NPAS3: variants seen among roughly 807,000 people sequenced by gnomAD.
NPAS3 encodes the protein neuronal PAS domain protein 3.
Under a neutral mutation model 73.1 loss-of-function variants are expected in NPAS3, and 14 were observed. The observed-to-expected ratio is 0.19, with a 90% confidence interval of 0.13 to 0.30. NPAS3 has a LOEUF of 0.30. Among genes scored for constraint, NPAS3 ranks in the 10% least tolerant of loss-of-function variants. NPAS3 has a pLI of 1.00. For synonymous variants in NPAS3, 620 were observed against 541.5 expected, an observed-to-expected ratio of 1.14 and a Z score of -2.01; for missense variants, 1,096 against 1,250.0, an observed-to-expected ratio of 0.88 and a Z score of 1.86.
intron 7 of NPAS3, among the ~76,000 whole-genome samples, chr14:33,756,704 T>G (rs552323272): frequency 6.6e-6 from 1 of 152,370 alleles, no homozygotes; most frequent in African/African-American, 2.4e-5. Flanking sequence ...TGAGCTTTCA[T>G]GCAGTAGATA....
chr14:33,753,982 A>G (rs1029011382), intron 7 of NPAS3, among the ~76,000 whole-genome samples: 2 of 152,174 alleles, frequency 1.3e-5, no homozygotes, highest in Non-Finnish European at 2.9e-5. Context: ...TCCTCTGTTC[A>G]GATGGTTGTA....
chr14:33,291,886 C>G (rs1452726886), intron 3 of NPAS3, among the ~76,000 whole-genome samples: 1 of 152,222 alleles, frequency 6.6e-6, no homozygotes, highest in Admixed American at 6.5e-5. Context: ...GCAGCCCTTG[C>G]TGCCGACAAA....
chr14:33,354,870 C>A (rs759618155), intron 3 of NPAS3, among the ~76,000 whole-genome samples: 1 of 152,130 alleles, frequency 6.6e-6, no homozygotes, highest in African/African-American at 2.4e-5. Context: ...GTCAACTCAT[C>A]GTCATTTATT....
At chr14:33,578,977 G>A (rs1394484150) in intron 5 of NPAS3, among the ~76,000 whole-genome samples, 1 of 152,224 alleles carries the variant, frequency 6.6e-6, no homozygotes, top group Non-Finnish European at 1.5e-5. Flanking sequence ...AATGTGCCAA[G>A]CTCAATGTCA....
chr14:33,590,171 TA>T (rs1211715611), intron 5 of NPAS3, among the ~76,000 whole-genome samples: 1 of 152,068 alleles, frequency 6.6e-6, no homozygotes, highest in Non-Finnish European at 1.5e-5. Flanking sequence ...ATTTGCTATG[TA>T]AAAAAAGGCA....
chr14:33,701,958 C>A (rs1185806938), intron 6 of NPAS3, among the ~76,000 whole-genome samples: 1 of 152,044 alleles, frequency 6.6e-6, no homozygotes, highest in African/African-American at 2.4e-5. Flanking sequence ...GATGTAGAAC[C>A]AACTATATAG....
At chr14:33,162,170 C>A (rs1256214255) in intron 2 of NPAS3, among the ~76,000 whole-genome samples, 1 of 152,224 alleles carries the variant, frequency 6.6e-6, no homozygotes, top group African/African-American at 2.4e-5. Flanking sequence ...TGATGTAGTG[C>A]AGCCAGGTAC....
chr14:33,748,310 A>C (rs2061864091), intron 7 of NPAS3, among the ~76,000 whole-genome samples: 1 of 152,140 alleles, frequency 6.6e-6, no homozygotes, highest in Non-Finnish European at 1.5e-5. Flanking sequence ...ATGATACTAT[A>C]ACTTTTCTTT....
At chr14:33,464,751 G>A (rs983637291) in intron 4 of NPAS3, among the ~76,000 whole-genome samples, 12 of 152,178 alleles carry the variant, frequency 7.9e-5, no homozygotes, top group Admixed American at 2.0e-4. Flanking sequence ...TCTGTTTGGC[G>A]AGGAGCTGGG....
At chr14:33,316,390 C>T (rs2043209165) in intron 3 of NPAS3, among the ~76,000 whole-genome samples, 1 of 152,054 alleles carries the variant, frequency 6.6e-6, no homozygotes, top group African/African-American at 2.4e-5. Context: ...CTCAGTTTGG[C>T]TGTGCAAGAA....
intron 1 of NPAS3, among the ~76,000 whole-genome samples, chr14:32,964,215 T>C (rs1051506650): frequency 2.0e-5 from 3 of 148,696 alleles, no homozygotes; most frequent in East Asian, 3.9e-4. Flanking sequence ...GTATTTGCTA[T>C]ATGCATGCTA....
rs371032534 is a variant in NPAS3, at chr14:33,172,871, G to A, written c.141-42311G>A. Among the ~76,000 whole-genome samples, 31 of 152,058 alleles carry A rather than the reference G, an allele frequency of 2.0e-4. No individual in the cohort carries two copies. In the East Asian group the frequency reaches 2.1e-3, roughly 10 times the overall value. Reference sequence around the variant, plus strand: ...ATAGACCACTTGCCTAATAGGTCTTGGTAATAGTTTAGGTTACATGTGATT... The same window carrying A: ...ATAGACCACTTGCCTAATAGGTCTTAGTAATAGTTTAGGTTACATGTGATT... On this transcript the variant is annotated intron_variant, in intron 2 of 11. Transcript: ENST00000356141.
intron 3 of NPAS3, among the ~76,000 whole-genome samples, chr14:33,300,858 G>T (rs898540239): frequency 2.0e-5 from 3 of 152,102 alleles, no homozygotes; most frequent in Non-Finnish European, 4.4e-5. Context: ...CCTCTAAGCT[G>T]CCCTGGCTCA....
At chr14:33,576,908 T>G (rs2056459355) in intron 5 of NPAS3, among the ~76,000 whole-genome samples, 1 of 152,224 alleles carries the variant, frequency 6.6e-6, no homozygotes, top group Non-Finnish European at 1.5e-5. Context: ...TGCCCCCTTT[T>G]GAGTCCTTCT....
rs181464509 is a variant in NPAS3, at chr14:33,135,541, A to G, written c.140+79547A>G. ...AAATTGCATATTTCTTTGTCATAAG[A>G]GAATTCCAACATTTTATAATAAGTC... On this transcript the variant is annotated intron_variant, in intron 2 of 11. Transcript: ENST00000356141. 4.2e-3 allele frequency among the ~76,000 whole-genome samples: 636 copies of G among 152,316 alleles called. 3 individuals are homozygous for G. Among genetic ancestry groups the G allele is most frequent in the African/African-American group, 0.014 (598 of 41,558 alleles).
upstream of NPAS3, among the ~76,000 whole-genome samples, chr14:32,935,964 A>G (rs1361134059): frequency 6.6e-6 from 1 of 152,264 alleles, no homozygotes; most frequent in Non-Finnish European, 1.5e-5. Context: ...AAAGTGTGAA[A>G]TTAAATATTT....
chr14:33,693,924 C>T (rs2060301930), intron 6 of NPAS3, among the ~76,000 whole-genome samples: 1 of 152,138 alleles, frequency 6.6e-6, no homozygotes, highest in Non-Finnish European at 1.5e-5. Context: ...GCACTGATTT[C>T]CTTGCGGACC....
chr14:33,792,861 C>T (rs993583621), intron 9 of NPAS3, among the ~76,000 whole-genome samples: 20 of 152,312 alleles, frequency 1.3e-4, no homozygotes, highest in African/African-American at 4.3e-4. Context: ...TGCACACTGC[C>T]CTCTAGTGGC....
chr14:33,194,202 G>A (rs945595847), intron 2 of NPAS3, among the ~76,000 whole-genome samples: 15 of 152,300 alleles, frequency 9.8e-5, no homozygotes, highest in African/African-American at 3.6e-4. Context: ...AAGTTAACCA[G>A]ACATATGATT....
Sources: gnomAD v4.1 joint callset for allele counts (sites outside exome capture counted in the v4.1 genomes callset) on GRCh38, gnomAD v4.1.1 for gene constraint, MANE v1.5 for transcripts, NCBI Gene and HGNC (gene_info 2026-07-23, HGNC 2026-07-21) for gene names.